NLGN4X: variants seen among roughly 807,000 people sequenced by gnomAD.
The protein encoded by NLGN4X is neuroligin-4, X-linked.
NLGN4X carries 3 observed loss-of-function variants against 40.3 expected under a neutral mutation model. The ratio of observed to expected loss-of-function variants is 0.07; its 90% CI spans 0.03 to 0.19. The LOEUF (loss-of-function observed/expected upper bound fraction) is 0.19. Ranked by LOEUF, NLGN4X falls within the 10% of genes least tolerant of loss-of-function variation. NLGN4X has a pLI of 1.00. For missense variants in NLGN4X, 382 were observed against 708.3 expected (o/e 0.54, Z 5.23); for synonymous variants, 270 against 306.8 (o/e 0.88, Z 1.25).
chrX:5,994,143 AT>A (rs1239100003), intron 3 of NLGN4X, among the ~76,000 whole-genome samples: 1 of 111,936 alleles, frequency 8.9e-6, no homozygotes, highest in East Asian at 2.8e-4. Context: ...AGTGAAAAAA[AT>A]TTGTAATGGA....
chrX:6,060,574 C>T (rs914613721), intron 2 of NLGN4X, among the ~76,000 whole-genome samples: 1 of 111,965 alleles, frequency 8.9e-6, no homozygotes, highest in Admixed American at 9.5e-5. Context: ...GATGAATTCC[C>T]TTAAAGGCTC....
intron 3 of NLGN4X, among the ~76,000 whole-genome samples, chrX:6,017,745 G>A (rs1000126658): frequency 9.8e-5 from 11 of 111,845 alleles, no homozygotes; most frequent in Admixed American, 4.8e-4. Flanking sequence ...GCCAGGCAGC[G>A]GTCTGTAGCT....
chrX:6,055,923 G>A, intron 2 of NLGN4X, among the ~76,000 whole-genome samples: 1 of 111,509 alleles, frequency 9.0e-6, no homozygotes, highest in Non-Finnish European at 1.9e-5. Context: ...CAAGATGTTG[G>A]CAATTTCTTA....
At chrX:6,025,287 G>A (rs2036659974) in intron 3 of NLGN4X, among the ~76,000 whole-genome samples, 1 of 111,979 alleles carries the variant, frequency 8.9e-6, no homozygotes. Context: ...ATGGCCAATG[G>A]CTAGCAAGAT....
At chrX:6,138,490 C>T (rs944580346) in intron 2 of NLGN4X, among the ~76,000 whole-genome samples, 3 of 111,708 alleles carry the variant, frequency 2.7e-5, no homozygotes, top group East Asian at 2.8e-4. Flanking sequence ...AAGCTGTAAA[C>T]GTCTTTATCG....
chrX:6,062,517 G>T (rs2037795820), intron 2 of NLGN4X, among the ~76,000 whole-genome samples: 1 of 111,302 alleles, frequency 9.0e-6, no homozygotes, highest in African/African-American at 3.3e-5. Flanking sequence ...ACCCTACTCT[G>T]ATACCTGCCA....
intron 3 of NLGN4X, among the ~76,000 whole-genome samples, chrX:5,926,834 A>C (rs1475719723): frequency 1.9e-5 from 2 of 106,883 alleles, no homozygotes; most frequent in Admixed American, 2.0e-4. Flanking sequence ...ACGTTCTTAT[A>C]GACTGTTTCC....
At chrX:6,199,758 T>C (rs977386064) in intron 1 of NLGN4X, among the ~76,000 whole-genome samples, 4 of 112,074 alleles carry the variant, frequency 3.6e-5, no homozygotes, top group Non-Finnish European at 7.5e-5. Context: ...AGGCAAAAAA[T>C]GTAAAAACTC....
intron 2 of NLGN4X, among the ~76,000 whole-genome samples, chrX:6,063,284 G>A (rs768072241): frequency 1.3e-3 from 143 of 111,634 alleles, no homozygotes; most frequent in African/African-American, 4.5e-3. Flanking sequence ...AGACCAGCTT[G>A]GGCAACATAG....
chrX:5,973,666 C>CA (rs1180419971), intron 3 of NLGN4X, among the ~76,000 whole-genome samples: 1 of 110,290 alleles, frequency 9.1e-6, no homozygotes, highest in Non-Finnish European at 1.9e-5. Context: ...ACTAAAAATA[C>CA]AAAAAAATTA....
intron 5 of NLGN4X, among the ~76,000 whole-genome samples, chrX:5,897,913 C>T (rs1255777621): frequency 1.3e-5 from 1 of 77,031 alleles, no homozygotes; most frequent in Non-Finnish European, 2.8e-5. Context: ...TCTCCCCCTT[C>T]CCTCTTTTCT....
intron 1 of NLGN4X, among the ~76,000 whole-genome samples, chrX:6,224,098 A>C (rs2147913084): frequency 8.9e-6 from 1 of 112,759 alleles, no homozygotes; most frequent in Admixed American, 9.4e-5. Context: ...TTGGAATATA[A>C]GTATATTTTA....
intron 2 of NLGN4X, among the ~76,000 whole-genome samples, chrX:6,147,443 T>C (rs193257280): frequency 5.3e-5 from 6 of 112,370 alleles, no homozygotes; most frequent in African/African-American, 1.9e-4. Context: ...CCTTAAGTGT[T>C]TCCATAACTC....
intron 3 of NLGN4X, among the ~76,000 whole-genome samples, chrX:5,968,468 TG>T (rs2034908339): frequency 1.0e-4 from 2 of 19,920 alleles, no homozygotes; most frequent in African/African-American, 2.8e-4. Context: ...TGTGTGTGTG[TG>T]TGTGTGTGTG....
chrX:5,970,140 T>C (rs1162494860), intron 3 of NLGN4X, among the ~76,000 whole-genome samples: 2 of 109,579 alleles, frequency 1.8e-5, no homozygotes, highest in African/African-American at 6.7e-5. Context: ...AACCTGCACA[T>C]TGTGCACATG....
chrX:5,985,157 T>C (rs1465834354), intron 3 of NLGN4X, among the ~76,000 whole-genome samples: 1 of 112,140 alleles, frequency 8.9e-6, no homozygotes, highest in Non-Finnish European at 1.9e-5. Context: ...TAAGGATCTG[T>C]GTTGTAATTT....
At chrX:6,068,596 C>T (rs980296896) in intron 2 of NLGN4X, among the ~76,000 whole-genome samples, 1 of 111,652 alleles carries the variant, frequency 9.0e-6, no homozygotes, top group Non-Finnish European at 1.9e-5. Context: ...AAAAATTAAA[C>T]GATGAATCAA....
At chrX:5,937,276 C>T (rs771864866) in intron 3 of NLGN4X, among the ~76,000 whole-genome samples, 12 of 110,838 alleles carry the variant, frequency 1.1e-4, no homozygotes, top group African/African-American at 3.6e-4. Flanking sequence ...AGGATTTAAC[C>T]ATTTGGCCAG....
rs756129730 is a variant in NLGN4X, at chrX:6,077,270, T to TGTG, written c.473-47839_473-47838insCAC. ...TGTTATTACATTCCAAAATTTTATTTTGTGTGTGTGTGTGTGTGTGTGTGT... is the reference window on the plus strand; with the variant it reads ...TGTTATTACATTCCAAAATTTTATTTGTGTGTGTGTGTGTGTGTGTGTGTGTGT... On this transcript the variant is annotated intron_variant, in intron 2 of 5. Transcript: ENST00000381095. Among the ~76,000 whole-genome samples the TGTG allele has an allele frequency of 7.9e-3, 615 of 78,168 alleles. 2 individuals are homozygous for TGTG. The highest frequency in any genetic ancestry group is 0.018 in the African/African-American group (444 of 25,111). 67.9% of individuals were successfully genotyped at this position (78,168 alleles called of 115,157 possible).
Sources: allele counts gnomAD v4.1 joint callset (sites outside exome capture counted in the v4.1 genomes callset), GRCh38; gene constraint gnomAD v4.1.1; transcripts MANE v1.5; gene names NCBI Gene and HGNC (gene_info 2026-07-23, HGNC 2026-07-21).